L3MBTL4: variants seen among roughly 807,000 people sequenced by gnomAD.
L3MBTL4 encodes lethal(3)malignant brain tumor-like protein 4.
In L3MBTL4, 70 loss-of-function variants were observed where a neutral mutation model predicts 84.5. The observed-to-expected ratio is 0.83, with a 90% CI of 0.68 to 1.01. The LOEUF (loss-of-function observed/expected upper bound fraction) is 1.01, where lower values mean the gene tolerates loss of function less well. Ranked by LOEUF, L3MBTL4 falls within the 50% of genes least tolerant of loss-of-function variation. The pLI is 0.00. For missense variants in L3MBTL4, 715 were observed against 754.8 expected (o/e 0.95, Z 0.62); for synonymous variants, 274 against 259.8 (o/e 1.05, Z -0.52).
At chr18:6,063,497 T>G (rs947142785) in intron 16 of L3MBTL4, among the ~76,000 whole-genome samples, 6 of 152,056 alleles carry the variant, frequency 3.9e-5, no homozygotes, top group Non-Finnish European at 5.9e-5. Context: ...TGTAAAAGTG[T>G]TCCCTTTTCA....
At chr18:6,046,679 G>C (rs774250825) in intron 16 of L3MBTL4, 1 of 745,082 alleles carries the variant, frequency 1.3e-6, no homozygotes, top group Non-Finnish European at 2.5e-6. Flanking sequence ...AACTAAGGCA[G>C]AAGTAAAAAA....
intron 17 of L3MBTL4, 80 bp from the exon 18 acceptor site, chr18:5,960,236 A>G: frequency 1.4e-6 from 1 of 738,976 alleles, no homozygotes; most frequent in Non-Finnish European, 2.2e-6. Context: ...ACATTTAAGT[A>G]AAATATACTT....
intron 14 of L3MBTL4, among the ~76,000 whole-genome samples, chr18:6,125,679 C>T (rs2144408882): frequency 6.6e-6 from 1 of 152,318 alleles, no homozygotes; most frequent in South Asian, 2.1e-4. Context: ...ATCCTCCTGC[C>T]TTGGCCTCCC....
Position 6,301,920 on chromosome 18 carries a change from G to C in L3MBTL4, c.110C>G (p.Thr37Arg), listed in dbSNP as rs1281093486. The change falls in exon 4 of 19, where the codon ACA (threonine) becomes AGA (arginine). Residue 37 changes from threonine to arginine, a missense_variant. Thr to Arg is a moderately conservative substitution (Grantham distance 71). Coordinates refer to ENST00000317931, the MANE Select transcript of L3MBTL4 (RefSeq NM_001330559.2). ...ATAATTACCGTGACTCAAAGGGGTT[G>C]TGCTATCCTTGGGCTTCTTTTCCTC... ...AEEEKKPKDSTTPLSHVPSAA... is the reference protein window; with the variant it reads ...AEEEKKPKDSRTPLSHVPSAA... The C allele has an allele frequency of 6.2e-7, 1 of 1,613,298 alleles. No individual in the cohort carries two copies. Among genetic ancestry groups the C allele is most frequent in the South Asian group, 1.1e-5 (1 of 91,070 alleles).
chr18:6,318,494 T>TAAAAA (rs71370550), intron 1 of L3MBTL4, among the ~76,000 whole-genome samples: 187 of 14,218 alleles, frequency 0.013, no homozygotes, highest in East Asian at 0.021. Context: ...ACAACAATAG[T>TAAAAA]AAAAAAAAAA....
At chr18:5,983,633 C>G (rs891106636) in intron 16 of L3MBTL4, among the ~76,000 whole-genome samples, 1 of 152,152 alleles carries the variant, frequency 6.6e-6, no homozygotes, top group African/African-American at 2.4e-5. Flanking sequence ...TAGGAACATT[C>G]TGCAGAGCCT....
At chr18:6,260,338 T>C (rs1429740370) in intron 5 of L3MBTL4, 1 of 152,218 alleles carries the variant, frequency 6.6e-6, no homozygotes, top group Non-Finnish European at 1.5e-5. Flanking sequence ...GGTAGTTTGA[T>C]AGGAATAATG....
intron 13 of L3MBTL4, among the ~76,000 whole-genome samples, chr18:6,165,529 A>G (rs2043603520): frequency 1.3e-5 from 2 of 149,554 alleles, no homozygotes; most frequent in South Asian, 4.1e-4. Flanking sequence ...CCAATATTCA[A>G]CATTCTTAAA....
intron 9 of L3MBTL4, 71 bp downstream of exon 9, chr18:6,239,647 C>T: frequency 1.3e-6 from 2 of 1,506,614 alleles, no homozygotes; most frequent in South Asian, 1.2e-5. Flanking sequence ...AGCAACAGTG[C>T]TAGAATGAAA....
chr18:6,149,394 C>A (rs1353137393), intron 13 of L3MBTL4, among the ~76,000 whole-genome samples: 1 of 151,842 alleles, frequency 6.6e-6, no homozygotes, highest in Non-Finnish European at 1.5e-5. Flanking sequence ...TTTTTTATGG[C>A]TGCATAGTAT....
At chr18:6,318,404 G>GA (rs2051218132) in intron 1 of L3MBTL4, among the ~76,000 whole-genome samples, 1 of 142,804 alleles carries the variant, frequency 7.0e-6, no homozygotes, top group African/African-American at 2.6e-5. Context: ...GTAAAGTGGT[G>GA]AAAAAAGATA....
At chr18:6,067,103 T>G (rs2057426883) in intron 16 of L3MBTL4, among the ~76,000 whole-genome samples, 1 of 152,220 alleles carries the variant, frequency 6.6e-6, no homozygotes, top group African/African-American at 2.4e-5. Flanking sequence ...ATTATTTTGC[T>G]TAAGGAAGCC....
chr18:6,055,356 C>T (rs575720237), intron 16 of L3MBTL4, among the ~76,000 whole-genome samples: 3 of 152,296 alleles, frequency 2.0e-5, no homozygotes, highest in Non-Finnish European at 4.4e-5. Flanking sequence ...TCTTTCAAAT[C>T]ACTAGGCTTA....
At chr18:6,360,628 A>G (rs1178040277) in intron 1 of L3MBTL4, among the ~76,000 whole-genome samples, 1 of 152,106 alleles carries the variant, frequency 6.6e-6, no homozygotes, top group Non-Finnish European at 1.5e-5. Flanking sequence ...ATAATCCCCA[A>G]TGTGCATGTG....
chr18:5,978,922 C>T (rs983318922), intron 16 of L3MBTL4, among the ~76,000 whole-genome samples: 14 of 152,110 alleles, frequency 9.2e-5, no homozygotes, highest in Admixed American at 2.6e-4. Flanking sequence ...GGCAGGGGAA[C>T]GAATATAAGC....
chr18:6,078,247 T>C (rs2057929825), intron 16 of L3MBTL4, among the ~76,000 whole-genome samples: 1 of 149,978 alleles, frequency 6.7e-6, no homozygotes, highest in African/African-American at 2.5e-5. Flanking sequence ...GGCAACATGG[T>C]GAAACCCCAT....
intron 14 of L3MBTL4, among the ~76,000 whole-genome samples, chr18:6,101,022 C>T (rs1009491091): frequency 6.6e-6 from 1 of 150,870 alleles, no homozygotes; most frequent in African/African-American, 2.4e-5. Flanking sequence ...CCCCTTGTTC[C>T]GGATCCACAC....
At chr18:5,972,193 G>A (rs7228526) in intron 16 of L3MBTL4, among the ~76,000 whole-genome samples, 10,479 of 152,206 alleles carry the variant, frequency 0.069, 1,166 homozygotes, top group African/African-American at 0.24. Flanking sequence ...TCAAGTTCTG[G>A]GAAATGCTTG....
At position 6,380,301 on chromosome 18, in the gene L3MBTL4, C is replaced by T. The variant is rs190222114; in HGVS notation, c.-91+34500G>A. Among the ~76,000 whole-genome samples, 410 of 151,986 alleles carry T rather than the reference C, an allele frequency of 2.7e-3. 3 individuals carry two copies. The highest frequency in any genetic ancestry group is 9.5e-3 in the African/African-American group (393 of 41,504). On this transcript the variant is annotated intron_variant, in intron 1 of 18. Coordinates refer to ENST00000317931, the MANE Select transcript of L3MBTL4 (RefSeq NM_001330559.2). Reference sequence around the variant, plus strand: ...TTCATTGATTTTTTGAAGGGTTTTTCGTGTCTCTATCTCCTTCAGTTCTGC... The same window carrying T: ...TTCATTGATTTTTTGAAGGGTTTTTTGTGTCTCTATCTCCTTCAGTTCTGC...
Sources: gnomAD v4.1 joint callset for allele counts (sites outside exome capture counted in the v4.1 genomes callset) on GRCh38, gnomAD v4.1.1 for gene constraint, MANE v1.5 for transcripts, NCBI Gene and HGNC (gene_info 2026-07-23, HGNC 2026-07-21) for gene names.